Variants in FKBP5 observed in about 807,000 individuals in gnomAD.
FKBP5 encodes the protein FKBP prolyl isomerase 5.
Under a neutral mutation model 50.5 loss-of-function variants are expected in FKBP5, and 23 were observed. That is an observed-to-expected ratio of 0.46 (90% CI 0.33 to 0.65). The LOEUF (loss-of-function observed/expected upper bound fraction) is 0.65. Among genes scored for constraint, FKBP5 ranks in the 30% least tolerant of loss-of-function variants. FKBP5 has a pLI of 0.02. For synonymous variants in FKBP5, 176 were observed against 190.6 expected, an observed-to-expected ratio of 0.92 and a Z score of 0.63; for missense variants, 411 against 553.1, an observed-to-expected ratio of 0.74 and a Z score of 2.58.
intron 1 of FKBP5, among the ~76,000 whole-genome samples, chr6:35,727,685 T>C (rs1156253121): frequency 3.3e-5 from 5 of 152,200 alleles, no homozygotes; most frequent in Non-Finnish European, 7.4e-5. Flanking sequence ...CGTGACTGCG[T>C]CCCAGGTCTC....
At chr6:35,624,414 A>T (rs1173432310) in intron 3 of FKBP5, among the ~76,000 whole-genome samples, 1 of 152,158 alleles carries the variant, frequency 6.6e-6, no homozygotes, top group African/African-American at 2.4e-5. Context: ...AGGCAGAAGA[A>T]TTGCTTGAAC....
intron 5 of FKBP5, among the ~76,000 whole-genome samples, chr6:35,606,999 G>A (rs1221374618): frequency 1.3e-5 from 2 of 152,162 alleles, no homozygotes; most frequent in Non-Finnish European, 1.5e-5. Flanking sequence ...GGACTGCAGT[G>A]GCAGAATCTC....
chr6:35,724,843 A>C (rs933059657), intron 1 of FKBP5, among the ~76,000 whole-genome samples: 3 of 151,864 alleles, frequency 2.0e-5, no homozygotes, highest in South Asian at 2.1e-4. Flanking sequence ...TCTGAGCCTC[A>C]GTTTCCTTAA....
chr6:35,629,405 T>C (rs1352443205), intron 3 of FKBP5, among the ~76,000 whole-genome samples: 2 of 152,194 alleles, frequency 1.3e-5, no homozygotes. Flanking sequence ...TAAGACTCTT[T>C]TAAAGTGTTC....
intron 1 of FKBP5, among the ~76,000 whole-genome samples, chr6:35,685,720 G>A (rs1310557491): frequency 3.9e-5 from 6 of 152,120 alleles, no homozygotes; most frequent in Non-Finnish European, 7.4e-5. Context: ...GATGGCTCAC[G>A]CCTGTAATAC....
At chr6:35,686,516 A>T (rs1414177801) in intron 1 of FKBP5, among the ~76,000 whole-genome samples, 1 of 152,140 alleles carries the variant, frequency 6.6e-6, no homozygotes, top group Non-Finnish European at 1.5e-5. Context: ...CAATTATATA[A>T]ATGATAAAAA....
At chr6:35,600,792 ACT>A (rs1763123662) in intron 5 of FKBP5, among the ~76,000 whole-genome samples, 1 of 152,026 alleles carries the variant, frequency 6.6e-6, no homozygotes, top group South Asian at 2.1e-4. Flanking sequence ...AAATCCAGAG[ACT>A]CTGCAAGGAT....
chr6:35,594,024 G>T (rs1434653018), intron 6 of FKBP5, among the ~76,000 whole-genome samples: 2 of 152,228 alleles, frequency 1.3e-5, no homozygotes, highest in East Asian at 3.9e-4. Context: ...AAAGAAAAAT[G>T]GATTGTCTGG....
intron 10 of FKBP5, among the ~76,000 whole-genome samples, chr6:35,576,147 G>A (rs1216848314): frequency 6.6e-6 from 1 of 152,114 alleles, no homozygotes; most frequent in Non-Finnish European, 1.5e-5. Context: ...GACAGCTGTG[G>A]GATAATGAAG....
intron 1 of FKBP5, among the ~76,000 whole-genome samples, chr6:35,662,276 C>CT (rs35904480): frequency 0.024 from 3,383 of 138,832 alleles, 86 homozygotes; most frequent in African/African-American, 0.053. Flanking sequence ...ATTTACGTGT[C>CT]TTTTTTTTTT....
At chr6:35,687,529 C>T (rs1453855098) in intron 1 of FKBP5, among the ~76,000 whole-genome samples, 3 of 152,134 alleles carry the variant, frequency 2.0e-5, no homozygotes, top group African/African-American at 4.8e-5. Context: ...GAATCCCAGA[C>T]TATTAAAAAT....
At chr6:35,698,906 G>C (rs549195464) in intron 2 of FKBP5, among the ~76,000 whole-genome samples, 217 of 152,246 alleles carry the variant, frequency 1.4e-3, no homozygotes, top group African/African-American at 4.8e-3. Flanking sequence ...CCATGCATGA[G>C]AAATCCACCC....
intron 1 of FKBP5, among the ~76,000 whole-genome samples, chr6:35,679,859 C>T (rs1765620207): frequency 6.6e-6 from 1 of 152,030 alleles, no homozygotes. Context: ...CAGAATTCAC[C>T]ATGATATAAT....
chr6:35,705,001 C>T (rs768535762), intron 2 of FKBP5, among the ~76,000 whole-genome samples: 6 of 150,618 alleles, frequency 4.0e-5, no homozygotes, highest in South Asian at 2.1e-4. Context: ...ATTAGCCGGG[C>T]GTGGTGGCAG....
chr6:35,633,682 A>C (rs1355259786), intron 3 of FKBP5, among the ~76,000 whole-genome samples: 1 of 152,186 alleles, frequency 6.6e-6, no homozygotes, highest in Non-Finnish European at 1.5e-5. Context: ...TAGTATTTCC[A>C]ATTACCATCT....
chr6:35,674,821 C>G (rs1765484387), intron 1 of FKBP5, among the ~76,000 whole-genome samples: 1 of 152,188 alleles, frequency 6.6e-6, no homozygotes, highest in African/African-American at 2.4e-5. Context: ...GTTCTGTCAC[C>G]TTCCTGAAGT....
At chr6:35,650,279 C>T (rs1187050919) in intron 1 of FKBP5, among the ~76,000 whole-genome samples, 1 of 95,524 alleles carries the variant, frequency 1.0e-5, no homozygotes, top group East Asian at 2.9e-4. Context: ...GCAGCCTGGG[C>T]AACAGAGCAA....
Position 35,710,644 on chromosome 6 carries a change from G to A in FKBP5, c.-20+9684C>T, listed in dbSNP as rs140371363. On this transcript the variant is annotated intron_variant, in intron 2 of 11. Coordinates refer to the FKBP5 transcript ENST00000536438. ...ATTTGCCATACGACTCAGCAATTCTGCTCCCAAGACAAATAAAAACATGTG... is the reference window on the plus strand; with the variant it reads ...ATTTGCCATACGACTCAGCAATTCTACTCCCAAGACAAATAAAAACATGTG... Among the ~76,000 whole-genome samples, 5 of 152,246 alleles carry A rather than the reference G, an allele frequency of 3.3e-5. No individual in the cohort carries two copies. The East Asian group carries it at 7.7e-4, about 23-fold the overall frequency.
intron 1 of FKBP5, among the ~76,000 whole-genome samples, chr6:35,680,292 T>C (rs1765631633): frequency 6.6e-6 from 1 of 152,078 alleles, no homozygotes; most frequent in South Asian, 2.1e-4. Flanking sequence ...TAGCCAGACA[T>C]GGTGGTGCAC....
Sources: gnomAD v4.1 joint callset for allele counts (sites outside exome capture counted in the v4.1 genomes callset) on GRCh38, gnomAD v4.1.1 for gene constraint, MANE v1.5 for transcripts, NCBI Gene and HGNC (gene_info 2026-07-23, HGNC 2026-07-21) for gene names.